TRIM4: variants seen among roughly 807,000 people sequenced by gnomAD.
TRIM4 encodes tripartite motif containing 4.
A neutral mutation model predicts 33.7 loss-of-function variants in TRIM4; 29 were observed. The observed-to-expected ratio is 0.86, with a 90% CI of 0.64 to 1.17. The LOEUF (loss-of-function observed/expected upper bound fraction) is 1.17, where lower values mean the gene tolerates loss of function less well. Ranked by LOEUF, TRIM4 falls within the 50% of genes most tolerant of loss-of-function variation. The pLI, the probability that TRIM4 is intolerant of heterozygous loss-of-function variation, is 0.00. For synonymous variants in TRIM4, 224 were observed against 233.0 expected (o/e 0.96, Z 0.35); for missense variants, 554 against 593.7 (o/e 0.93, Z 0.69).
chr7:99,919,302 C>A lies in TRIM4; in HGVS notation c.100G>T (p.Gly34Cys). ...SIECGHNFCR[G>C]CLHRNWAPGG... is the part of the protein sequence containing the mutation. ...GGCGCCCAGTTGCGGTGCAGGCAGC[C>A]GCGGCAGAAGTTGTGGCCGCACTCG... Residue 34 changes from glycine to cysteine, a missense_variant, in exon 1 of 6, where the codon GGC becomes TGC. Coordinates refer to ENST00000349062, the MANE Select transcript of TRIM4 (RefSeq NM_033091.3). 1 of 1,556,884 alleles carries A rather than the reference C, an allele frequency of 6.4e-7. No homozygotes were observed. Among genetic ancestry groups the A allele is most frequent in the East Asian group, 2.5e-5 (1 of 40,788 alleles).
chr7:99,896,056 G>A (rs947574479), intron 5 of TRIM4, among the ~76,000 whole-genome samples: 5 of 150,972 alleles, frequency 3.3e-5, no homozygotes, highest in African/African-American at 7.3e-5. Flanking sequence ...CTATTATTTT[G>A]CTGTTTTCTA....
intron 1 of TRIM4, among the ~76,000 whole-genome samples, chr7:99,911,242 A>G (rs1212976210): frequency 6.6e-6 from 1 of 152,222 alleles, no homozygotes; most frequent in Non-Finnish European, 1.5e-5. Flanking sequence ...GATCAAGGCT[A>G]GAACTGGCAA....
chr7:99,909,133 G>GGTGGGT (rs1554452960), intron 2 of TRIM4, among the ~76,000 whole-genome samples: 10 of 148,512 alleles, frequency 6.7e-5, no homozygotes, highest in African/African-American at 2.0e-4. Flanking sequence ...GGAGTGTGAG[G>GGTGGGT]GTGTGTGTGT....
chr7:99,919,256 C>G lies in TRIM4; in HGVS notation c.146G>C (p.Cys49Ser), dbSNP rs1051994816. 1.9e-6 allele frequency: 3 copies of G among 1,543,458 alleles called. No homozygotes were observed. The African/African-American group carries it at 4.2e-5, about 21-fold the overall frequency. ...CGCCGATGGGTGCCGACATTCGGGG[C>G]AGGGGAACGGGCCGCCGCCCGGCGC... is the stretch of plus-strand genomic sequence containing the variant. ...NWAPGGGPFP[C>S]PECRHPSAPA... The change falls in exon 1 of 6, where the codon TGC (cysteine) becomes TCC (serine). Residue 49 changes from cysteine to serine, a missense_variant. By Grantham distance (112) the Cys-to-Ser change is moderately radical. This residue lies in a region of TRIM4 where 233 missense variants were observed against 203.1 expected (regional missense o/e 1.15). Coordinates refer to ENST00000349062, the MANE Select transcript of TRIM4 (RefSeq NM_033091.3).
chr7:99,919,007 A>G lies in TRIM4; in HGVS notation c.393+2T>C. On this transcript the variant is annotated splice_donor_variant, in intron 1 of 5. Transcript: ENST00000349062. LOFTEE classifies it high-confidence loss of function. ...TCATAGTCACCGCGACGGCCAGCTCACCCGGTAGCTCTCGAAGGCCTCGTC... is the reference window on the plus strand; with the variant it reads ...TCATAGTCACCGCGACGGCCAGCTCGCCCGGTAGCTCTCGAAGGCCTCGTC... 1 of 1,587,504 alleles carries G rather than the reference A, an allele frequency of 6.3e-7. No individual in the cohort carries two copies. The highest frequency in any genetic ancestry group is 8.6e-7 in the Non-Finnish European group (1 of 1,168,844).
In TRIM4 at chr7:99,903,261, C is replaced by A. The variant is rs1236309566; in HGVS notation, c.798G>T (p.Val266=). 3.1e-6 allele frequency: 5 copies of A among 1,613,508 alleles called. No homozygotes were observed. The highest frequency in any genetic ancestry group is 4.2e-6 in the Non-Finnish European group (5 of 1,179,616). The change falls in exon 5 of 6, where the codon GTG becomes GTT. Residue 266 remains valine (V), a synonymous_variant. Transcript: ENST00000349062. ...YSLEAVKVKT[V]CQIPLMKEML... is the part of the protein sequence containing the mutation. ...TTTCCTTCATCAATGGTATCTGGCACACTGTCTTCACCTTTACAGCTTCAA... is the reference window on the plus strand; with the variant it reads ...TTTCCTTCATCAATGGTATCTGGCAAACTGTCTTCACCTTTACAGCTTCAA...
At chr7:99,904,745 T>C (rs1042443896) in intron 3 of TRIM4, among the ~76,000 whole-genome samples, 2 of 152,148 alleles carry the variant, frequency 1.3e-5, no homozygotes, top group African/African-American at 2.4e-5. Flanking sequence ...GAAAATGCTT[T>C]ATCTGGATGA....
At chr7:99,900,468 C>T (rs1477486295) in intron 5 of TRIM4, among the ~76,000 whole-genome samples, 1 of 152,172 alleles carries the variant, frequency 6.6e-6, no homozygotes, top group East Asian at 1.9e-4. Flanking sequence ...TATAAACTTA[C>T]CATCGCAATT....
chr7:99,911,950 T>C (rs1012978498), intron 1 of TRIM4, among the ~76,000 whole-genome samples: 3 of 152,122 alleles, frequency 2.0e-5, no homozygotes, highest in Non-Finnish European at 4.4e-5. Context: ...CACCAACCTA[T>C]ACAAAAATGG....
chr7:99,908,851 T>G (rs1193077644), intron 2 of TRIM4, 39 bp from the exon 3 acceptor site: 11 of 1,566,934 alleles, frequency 7.0e-6, no homozygotes, highest in Non-Finnish European at 9.6e-6. Context: ...TTTTTCTGCC[T>G]GACCCCAGCT....
At chr7:99,898,877 C>A (rs1390738401) in intron 5 of TRIM4, among the ~76,000 whole-genome samples, 2 of 152,198 alleles carry the variant, frequency 1.3e-5, no homozygotes, top group Non-Finnish European at 2.9e-5. Context: ...AGTAAAAATT[C>A]TCTATCTTAT....
intron 3 of TRIM4, among the ~76,000 whole-genome samples, chr7:99,906,616 T>C (rs567903892): frequency 1.3e-4 from 19 of 151,878 alleles, no homozygotes; most frequent in Admixed American, 2.0e-4. Flanking sequence ...AAGGGGTAAA[T>C]ATAAAGGAGC....
At chr7:99,905,253 G>A (rs1819272684) in intron 3 of TRIM4, among the ~76,000 whole-genome samples, 1 of 152,088 alleles carries the variant, frequency 6.6e-6, no homozygotes, top group Non-Finnish European at 1.5e-5. Flanking sequence ...TTACACACTG[G>A]TAACAATAGT....
chr7:99,911,431 C>T (rs901026228), intron 1 of TRIM4, among the ~76,000 whole-genome samples: 1 of 151,766 alleles, frequency 6.6e-6, no homozygotes, highest in African/African-American at 2.4e-5. Context: ...TTCTGTAAGT[C>T]TCACTATATG....
chr7:99,897,762 A>C (rs1819055029), intron 5 of TRIM4, among the ~76,000 whole-genome samples: 1 of 152,064 alleles, frequency 6.6e-6, no homozygotes, highest in African/African-American at 2.4e-5. Flanking sequence ...AATACCCCCC[A>C]CTGTCTTACT....
Position 99,891,799 on chromosome 7 carries a change from T to G in TRIM4, c.*364A>C. Reference sequence around the variant, plus strand: ...ACAAGAAGCTTGGCATGAAGGAAATTTCAACAATTTCACAACGGCAACAAA... The same window carrying G: ...ACAAGAAGCTTGGCATGAAGGAAATGTCAACAATTTCACAACGGCAACAAA... On this transcript the variant is annotated 3_prime_UTR_variant, in exon 6 of 6. Coordinates refer to ENST00000349062, the MANE Select transcript of TRIM4 (RefSeq NM_033091.3). 5.2e-6 allele frequency: 1 copy of G among 190,992 alleles called. No individual in the cohort carries two copies. Among genetic ancestry groups the G allele is most frequent in the Non-Finnish European group, 1.1e-5 (1 of 91,876 alleles). The allele number at this position is 190,992 out of a possible 1,614,324, so 11.8% of individuals were successfully genotyped here.
In TRIM4 at chr7:99,892,429, C is replaced by T. The variant is rs78599870; in HGVS notation, c.1159G>A (p.Asp387Asn). 1.5e-3 allele frequency: 2,426 copies of T among 1,614,164 alleles called. No homozygotes were observed. Among genetic ancestry groups the T allele is most frequent in the Non-Finnish European group, 1.9e-3 (2,230 of 1,180,012 alleles). ...GITDRSKMSP[D>N]VGIWAIYWSA... ...CAATAAATCGCCCAGATGCCCACAT[C>T]TGGGGACATTTTTGAACGATCAGTA... Residue 387 changes from aspartate to asparagine, a missense_variant, in exon 6 of 6, where the codon GAT becomes AAT. Around this residue, in one of 3 missense-constraint regions of TRIM4, gnomAD observed 290 missense variants for 335.8 expected, o/e 0.86. Coordinates refer to ENST00000349062, the MANE Select transcript of TRIM4 (RefSeq NM_033091.3).
At chr7:99,907,048 A>T (rs1325852925) in intron 3 of TRIM4, among the ~76,000 whole-genome samples, 2 of 152,176 alleles carry the variant, frequency 1.3e-5, no homozygotes, top group African/African-American at 2.4e-5. Context: ...AAAAATGGGT[A>T]GGTAGATAGA....
At chr7:99,916,476 G>T (rs755115262) in intron 1 of TRIM4, among the ~76,000 whole-genome samples, 3 of 152,076 alleles carry the variant, frequency 2.0e-5, no homozygotes, top group African/African-American at 7.2e-5. Flanking sequence ...CACAAGCATG[G>T]GATCTTCTGT....
Sources: gnomAD v4.1 joint callset for allele counts (sites outside exome capture counted in the v4.1 genomes callset) on GRCh38, gnomAD v4.1.1 for gene constraint, gnomAD v4.1.1 regional missense constraint, MANE v1.5 for transcripts, NCBI Gene and HGNC (gene_info 2026-07-23, HGNC 2026-07-21) for gene names.